Variants in MAGI2 observed in about 807,000 individuals in gnomAD.
MAGI2 encodes membrane-associated guanylate kinase, WW and PDZ domain-containing protein 2.
A neutral mutation model predicts 133.3 loss-of-function variants in MAGI2; 35 were observed. The ratio of observed to expected loss-of-function variants is 0.26; its 90% confidence interval spans 0.20 to 0.35. MAGI2 has a LOEUF of 0.35. MAGI2 is among the 10% of genes least tolerant of loss of function. MAGI2 has a pLI of 1.00. For synonymous variants in MAGI2, 729 were observed against 710.6 expected (o/e 1.03, Z -0.41); for missense variants, 1,636 against 1,863.4 (o/e 0.88, Z 2.25).
chr7:78,450,666 G>T (rs1313754941), intron 6 of MAGI2, among the ~76,000 whole-genome samples: 1 of 150,576 alleles, frequency 6.6e-6, no homozygotes, highest in African/African-American at 2.4e-5. Context: ...TTTTTTTCTT[G>T]CACTTTTTGT....
At chr7:78,911,029 C>T (rs1409038145) in intron 2 of MAGI2, among the ~76,000 whole-genome samples, 1 of 152,196 alleles carries the variant, frequency 6.6e-6, no homozygotes, top group Non-Finnish European at 1.5e-5. Context: ...ACTCCCCTTC[C>T]AAGTTTGTAA....
chr7:78,838,327 T>C (rs963208758), intron 2 of MAGI2, among the ~76,000 whole-genome samples: 1 of 152,052 alleles, frequency 6.6e-6, no homozygotes, highest in Admixed American at 6.6e-5. Context: ...CATCACAGAA[T>C]CATCTAATCA....
At chr7:79,146,938 C>A (rs1272025530) in intron 1 of MAGI2, among the ~76,000 whole-genome samples, 9 of 152,196 alleles carry the variant, frequency 5.9e-5, no homozygotes, top group Non-Finnish European at 8.8e-5. Context: ...CTTTATTTAG[C>A]TGGCTCAACC....
intron 2 of MAGI2, among the ~76,000 whole-genome samples, chr7:78,831,700 G>A (rs1050728189): frequency 6.6e-6 from 1 of 152,064 alleles, no homozygotes; most frequent in Non-Finnish European, 1.5e-5. Context: ...GTTTCAATTA[G>A]TATGTTTTAA....
In MAGI2 at chr7:78,780,765, A is replaced by ATTTGT. The variant is rs1826333166; in HGVS notation, c.419-153527_419-153526insACAAA. ...TAGTATTTGTCAGTTCTGTTTCAGTACCGGGCCATTAGGGAAACCTGAACA... is the reference window on the plus strand; with the variant it reads ...TAGTATTTGTCAGTTCTGTTTCAGTATTTGTCCGGGCCATTAGGGAAACCTGAACA... On this transcript the variant is annotated intron_variant, in intron 2 of 21. Transcript: ENST00000354212. 3.3e-5 allele frequency among the ~76,000 whole-genome samples: 5 copies of ATTTGT among 152,290 alleles called. No individual in the cohort carries two copies. In the South Asian group the frequency reaches 1.0e-3, roughly 32 times the overall value.
At chr7:79,445,093 G>A (rs1342456360) in intron 1 of MAGI2, among the ~76,000 whole-genome samples, 2 of 152,238 alleles carry the variant, frequency 1.3e-5, no homozygotes, top group Non-Finnish European at 2.9e-5. Context: ...AAATGGTGCT[G>A]GGAAAACTGG....
intron 3 of MAGI2, among the ~76,000 whole-genome samples, chr7:78,526,513 T>C (rs1015568225): frequency 6.6e-6 from 1 of 152,200 alleles, no homozygotes; most frequent in African/African-American, 2.4e-5. Context: ...ATACATAAAA[T>C]TGTCCCCTTA....
chr7:78,619,166 AT>A (rs1233151632), intron 3 of MAGI2, among the ~76,000 whole-genome samples: 1 of 151,904 alleles, frequency 6.6e-6, no homozygotes, highest in Non-Finnish European at 1.5e-5. Context: ...CGCAATTATT[AT>A]GGGTCCATTA....
chr7:78,417,408 G>C (rs1798401002), intron 6 of MAGI2, among the ~76,000 whole-genome samples: 1 of 152,008 alleles, frequency 6.6e-6, no homozygotes, highest in Non-Finnish European at 1.5e-5. Flanking sequence ...AGATCTCTCT[G>C]ATAGCCTTCC....
At chr7:79,226,624 A>G (rs920331314) in intron 1 of MAGI2, among the ~76,000 whole-genome samples, 9 of 151,938 alleles carry the variant, frequency 5.9e-5, no homozygotes, top group African/African-American at 1.2e-4. Context: ...TCTCTTTCCT[A>G]TCCTCCTTTA....
intron 1 of MAGI2, among the ~76,000 whole-genome samples, chr7:79,147,544 C>A (rs891874385): frequency 6.6e-6 from 1 of 152,158 alleles, no homozygotes; most frequent in East Asian, 1.9e-4. Context: ...AGGGTCGGTG[C>A]CTCAAAGACC....
intron 10 of MAGI2, among the ~76,000 whole-genome samples, chr7:78,236,901 C>T (rs1790604352): frequency 6.6e-6 from 1 of 152,114 alleles, no homozygotes; most frequent in Non-Finnish European, 1.5e-5. Flanking sequence ...GCATGTCTTA[C>T]ATGGCAATAG....
At chr7:78,155,346 G>A (rs1011558699) in intron 16 of MAGI2, among the ~76,000 whole-genome samples, 2 of 152,192 alleles carry the variant, frequency 1.3e-5, no homozygotes, top group Admixed American at 6.5e-5. Flanking sequence ...GGGCACAGTA[G>A]CTCATGCCTG....
chr7:78,068,470 T>C (rs1247546135), intron 21 of MAGI2, among the ~76,000 whole-genome samples: 3 of 151,924 alleles, frequency 2.0e-5, no homozygotes, highest in African/African-American at 7.3e-5. Flanking sequence ...GGTTCCTCAG[T>C]TGTAACAAAT....
chr7:78,468,319 A>G (rs1790848309), intron 6 of MAGI2, among the ~76,000 whole-genome samples: 1 of 152,152 alleles, frequency 6.6e-6, no homozygotes, highest in African/African-American at 2.4e-5. Flanking sequence ...TCCAGTGGCT[A>G]CTAACTAGTC....
chr7:79,098,366 T>G (rs188708357), intron 1 of MAGI2, among the ~76,000 whole-genome samples: 2 of 152,318 alleles, frequency 1.3e-5, no homozygotes, highest in African/African-American at 4.8e-5. Flanking sequence ...ACATTTCCTG[T>G]CATTTATAGT....
intron 7 of MAGI2, among the ~76,000 whole-genome samples, chr7:78,360,575 C>G (rs1046777022): frequency 1.3e-5 from 2 of 152,200 alleles, no homozygotes; most frequent in African/African-American, 2.4e-5. Flanking sequence ...AACTGTTTCA[C>G]AAATAATAGA....
chr7:78,361,256 T>C (rs1429590060), intron 7 of MAGI2, among the ~76,000 whole-genome samples: 1 of 152,008 alleles, frequency 6.6e-6, no homozygotes, highest in Non-Finnish European at 1.5e-5. Flanking sequence ...TAGCCGGGTG[T>C]GGTGGCAGGT....
rs1345658720 is a variant in MAGI2, at chr7:78,018,402, C to G, written c.*913G>C. The G allele has an allele frequency of 6.6e-6, 1 of 152,360 alleles. No homozygotes were observed. Among genetic ancestry groups the G allele is most frequent in the Non-Finnish European group, 1.5e-5 (1 of 68,030 alleles). 9.4% of individuals were successfully genotyped at this position (152,360 alleles called of 1,614,324 possible). On this transcript the variant is annotated 3_prime_UTR_variant, in exon 22 of 22. Transcript: ENST00000354212. The stretch of plus-strand genomic sequence containing the variant: ...CATTGCTGACAAAGAAGCTATCCAT[C>G]TCTGCTAGCCTGGGACGACAGAAAA...
Sources: gnomAD v4.1 joint callset for allele counts (sites outside exome capture counted in the v4.1 genomes callset) on GRCh38, gnomAD v4.1.1 for gene constraint, MANE v1.5 for transcripts, NCBI Gene and HGNC (gene_info 2026-07-23, HGNC 2026-07-21) for gene names.